The following CYFIP1 variants were observed in gnomAD, a reference collection of about 807,000 sequenced individuals.
CYFIP1 encodes the protein cytoplasmic FMR1-interacting protein 1.
CYFIP1 carries 58 observed loss-of-function variants against 163.5 expected under a neutral mutation model. The ratio of observed to expected loss-of-function variants is 0.35; its 90% CI spans 0.29 to 0.44. The LOEUF is 0.44. Among genes scored for constraint, CYFIP1 ranks in the 20% least tolerant of loss-of-function variants. The pLI, the probability that CYFIP1 is intolerant of heterozygous loss-of-function variation, is 1.00. For synonymous variants in CYFIP1, 663 were observed against 660.7 expected (o/e 1.00, Z -0.05); for missense variants, 1,338 against 1,653.8 (o/e 0.81, Z 3.31).
chr15:22,943,937 C>T (rs1289155436), intron 5 of CYFIP1, among the ~76,000 whole-genome samples: 5 of 152,026 alleles, frequency 3.3e-5, no homozygotes, highest in East Asian at 1.9e-4. Flanking sequence ...AAAGAGCAGA[C>T]GAAAACAAAA....
intron 1 of CYFIP1, among the ~76,000 whole-genome samples, chr15:22,979,151 G>C (rs8025779): frequency 0.35 from 52,649 of 151,956 alleles, 9,238 homozygotes; most frequent in African/African-American, 0.38. Context: ...CTGGCCCTAC[G>C]AGTGCACACC....
At chr15:22,967,581 C>CACCCCACCACAGCCCGCAGCTACAAT (rs2062954954) in intron 1 of CYFIP1, among the ~76,000 whole-genome samples, 1 of 151,812 alleles carries the variant, frequency 6.6e-6, no homozygotes, top group Non-Finnish European at 1.5e-5. Context: ...GCAGCTACAA[C>CACCCCACCACAGCCCGCAGCTACAAT]ATAGCACCCC....
At chr15:22,940,643 A>T (rs1347125485) in intron 6 of CYFIP1, among the ~76,000 whole-genome samples, 1 of 152,228 alleles carries the variant, frequency 6.6e-6, no homozygotes, top group Non-Finnish European at 1.5e-5. Context: ...CAGAGAAATA[A>T]ACTGCAATCT....
In CYFIP1 at chr15:22,945,101, G is replaced by A. The variant is rs554497798; in HGVS notation, c.208-162C>T. Among the ~76,000 whole-genome samples, 6 of 152,164 alleles carry A rather than the reference G, an allele frequency of 3.9e-5. No homozygotes were observed. The South Asian group carries it at 1.2e-3, about 32-fold the overall frequency. On this transcript the variant is annotated intron_variant, in intron 3 of 30. Coordinates refer to ENST00000617928, the MANE Select transcript of CYFIP1 (RefSeq NM_014608.6). Reference sequence around the variant, plus strand: ...GAAGCTAGTGACACTGAGGTGCGGCGCTGGGGGCCACAATGACCACCCAAA... The same window carrying A: ...GAAGCTAGTGACACTGAGGTGCGGCACTGGGGGCCACAATGACCACCCAAA...
intron 11 of CYFIP1, among the ~76,000 whole-genome samples, chr15:22,931,267 C>T (rs2061528038): frequency 6.6e-6 from 1 of 152,204 alleles, no homozygotes; most frequent in Admixed American, 6.5e-5. Flanking sequence ...CAGCAATTTG[C>T]AGCACAGACA....
rs776170476 is a variant in CYFIP1, at chr15:22,892,947, C to T, written c.2619G>A (p.Gln873=). The change falls in exon 23 of 31, where the codon CAG becomes CAA. Residue 873 remains glutamine (Q), a synonymous_variant. Transcript: ENST00000617928. ...TAGGCTGCTTATCTCTTTGAAATTC[C>T]TGAGAAAATGGTAACACTGTCCGAA... is the stretch of plus-strand genomic sequence containing the variant. ...RFVRTVLPFS[Q]EFQRDKQPNA... 8.7e-5 allele frequency: 140 copies of T among 1,613,478 alleles called. 1 individual carries two copies. The highest frequency in any genetic ancestry group is 1.2e-4 in the Non-Finnish European group (138 of 1,179,710).
chr15:22,933,459 C>T (rs995704416), intron 10 of CYFIP1, among the ~76,000 whole-genome samples: 3 of 151,950 alleles, frequency 2.0e-5, no homozygotes, highest in Admixed American at 1.3e-4. Context: ...GGACTACAGG[C>T]GCCCACCACC....
At chr15:22,975,167 G>A (rs941738443) in intron 1 of CYFIP1, among the ~76,000 whole-genome samples, 1 of 152,136 alleles carries the variant, frequency 6.6e-6, no homozygotes, top group African/African-American at 2.4e-5. Flanking sequence ...TTAATCAACT[G>A]TTTATGTTAT....
rs1240585024 is a variant in CYFIP1, at chr15:22,874,562, C to T, written c.3198G>A (p.Leu1066=). Residue 1066 remains leucine, a synonymous_variant, in exon 28 of 31, where the codon CTG becomes CTA. Transcript: ENST00000617928. ...CGGTACACGTTACCTGAGGGGTCCCCAGTCTTTCAATCAGTGGGACAAGAT... is the reference window on the plus strand; with the variant it reads ...CGGTACACGTTACCTGAGGGGTCCCTAGTCTTTCAATCAGTGGGACAAGAT... ...PLHLVPLIER[L]GTPQQIAIAR... 1 of 1,601,110 alleles carries T rather than the reference C, an allele frequency of 6.2e-7. No individual in the cohort carries two copies. Among genetic ancestry groups the T allele is most frequent in the African/African-American group, 1.3e-5 (1 of 74,086 alleles).
At chr15:22,971,630 T>C (rs929849827) in intron 1 of CYFIP1, among the ~76,000 whole-genome samples, 1 of 150,406 alleles carries the variant, frequency 6.6e-6, no homozygotes, top group Non-Finnish European at 1.5e-5. Context: ...GAGCCAAGAT[T>C]GCGCCATTGC....
chr15:22,934,906 C>T (rs1471899667), intron 9 of CYFIP1, among the ~76,000 whole-genome samples: 1 of 152,084 alleles, frequency 6.6e-6, no homozygotes, highest in Non-Finnish European at 1.5e-5. Context: ...AAAAAATGTG[C>T]AAGACCTCTA....
intron 1 of CYFIP1, among the ~76,000 whole-genome samples, chr15:22,968,553 G>A (rs1016167749): frequency 3.9e-5 from 6 of 152,082 alleles, no homozygotes; most frequent in African/African-American, 9.7e-5. Context: ...CTCTCTAGAC[G>A]CACATCCACA....
chr15:22,976,449 C>A (rs945238924), intron 1 of CYFIP1, among the ~76,000 whole-genome samples: 3 of 152,208 alleles, frequency 2.0e-5, no homozygotes, highest in African/African-American at 7.2e-5. Context: ...AGCAACCACG[C>A]CCAGCCAAAT....
chr15:22,933,460 G>A (rs184212639), intron 10 of CYFIP1, among the ~76,000 whole-genome samples: 211 of 151,742 alleles, frequency 1.4e-3, no homozygotes, highest in Non-Finnish European at 2.4e-3. Context: ...GACTACAGGC[G>A]CCCACCACCA....
At chr15:22,962,287 G>A (rs183340889) in intron 1 of CYFIP1, among the ~76,000 whole-genome samples, 23 of 152,174 alleles carry the variant, frequency 1.5e-4, no homozygotes, top group Non-Finnish European at 2.4e-4. Context: ...TGCCCACACC[G>A]AAAGGCAGAG....
At chr15:22,921,369 A>AAAATAAAT (rs111633687) in intron 13 of CYFIP1, among the ~76,000 whole-genome samples, 1,501 of 149,040 alleles carry the variant, frequency 0.01, 22 homozygotes, top group African/African-American at 0.03. Context: ...CTCTGTCTCA[A>AAAATAAAT]AAATAAATAA....
At chr15:22,942,310 T>C (rs997639463) in intron 6 of CYFIP1, among the ~76,000 whole-genome samples, 1 of 152,236 alleles carries the variant, frequency 6.6e-6, no homozygotes, top group Non-Finnish European at 1.5e-5. Context: ...TCTTCGAATT[T>C]AATTTTAGAG....
chr15:22,966,059 G>C (rs2062890384), intron 1 of CYFIP1, among the ~76,000 whole-genome samples: 1 of 152,004 alleles, frequency 6.6e-6, no homozygotes, highest in Admixed American at 6.6e-5. Flanking sequence ...TATAAGACAA[G>C]GAGATTAGGT....
At chr15:22,870,726 T>C (rs1188755310) in intron 30 of CYFIP1, among the ~76,000 whole-genome samples, 4 of 152,182 alleles carry the variant, frequency 2.6e-5, no homozygotes, top group Admixed American at 2.6e-4. Flanking sequence ...TTGATAGGCC[T>C]ATTCCTTCCA....
Sources: gnomAD v4.1 joint callset for allele counts (sites outside exome capture counted in the v4.1 genomes callset) on GRCh38, gnomAD v4.1.1 for gene constraint, MANE v1.5 for transcripts, NCBI Gene and HGNC (gene_info 2026-07-23, HGNC 2026-07-21) for gene names.